Variants in GNL3L observed in about 807,000 individuals in gnomAD.
The protein encoded by GNL3L is guanine nucleotide-binding protein-like 3-like protein.
In GNL3L, 4 loss-of-function variants were observed where a neutral mutation model predicts 42.9. That is an observed-to-expected ratio of 0.09 (90% CI 0.05 to 0.21). The LOEUF (loss-of-function observed/expected upper bound fraction) is 0.21. Among genes scored for constraint, GNL3L ranks in the 10% least tolerant of loss-of-function variants. GNL3L has a pLI of 1.00. For missense variants in GNL3L, 412 were observed against 481.7 expected (o/e 0.86, Z 1.36); for synonymous variants, 159 against 176.3 (o/e 0.90, Z 0.78).
intron 5 of GNL3L, 35 bp from the exon 6 acceptor site, chrX:54,542,920 T>A (rs750605652): frequency 2.7e-5 from 25 of 909,834 alleles, no homozygotes; most frequent in Non-Finnish European, 4.0e-5. Context: ...CTCCCCCTCC[T>A]CCCCTGGACC....
rs370238541 is a variant in GNL3L, at chrX:54,583,350, G to A, written c.*45+22703G>A. 3.3e-4 allele frequency among the ~76,000 whole-genome samples: 36 copies of A among 109,821 alleles called. No individual in the cohort carries two copies. The South Asian group carries it at 0.014, about 42-fold the overall frequency. On this transcript the variant is annotated intron_variant, in intron 16 of 16. Coordinates refer to the GNL3L transcript ENST00000674498. ...TGGGATTACAGGCGTGCACCACCAC[G>A]CCCAGCTAATTTTTGGTATTTTTAG...
chrX:54,569,240 T>C (rs193131286), downstream of GNL3L, among the ~76,000 whole-genome samples: 4 of 112,022 alleles, frequency 3.6e-5, no homozygotes, highest in Admixed American at 3.8e-4. Context: ...CCTCATAGAA[T>C]GGGTTGGGAA....
the GNL3L span, among the ~76,000 whole-genome samples, chrX:54,639,659 G>A: frequency 9.0e-6 from 1 of 111,348 alleles, no homozygotes; most frequent in African/African-American, 3.3e-5. Flanking sequence ...TACAAGTAGT[G>A]TGTCGCCACT....
chrX:54,601,498 TATA>T (rs1240425982), intron 16 of GNL3L, among the ~76,000 whole-genome samples: 1 of 112,087 alleles, frequency 8.9e-6, no homozygotes, highest in East Asian at 2.8e-4. Context: ...TTGTTTTATG[TATA>T]ATATCTAGGA....
intron 16 of GNL3L, among the ~76,000 whole-genome samples, chrX:54,587,292 A>G (rs1460546519): frequency 8.9e-6 from 1 of 112,402 alleles, no homozygotes; most frequent in Non-Finnish European, 1.9e-5. Flanking sequence ...GTTTAAATCC[A>G]ATATTTCTTT....
chrX:54,617,341 AC>A (rs1181487724), intron 16 of GNL3L, among the ~76,000 whole-genome samples: 1 of 111,788 alleles, frequency 8.9e-6, no homozygotes, highest in African/African-American at 3.3e-5. Flanking sequence ...GTTCACACTT[AC>A]GTTTCCTCAC....
chrX:54,626,487 A>G (rs1926366033), downstream of GNL3L, among the ~76,000 whole-genome samples: 1 of 111,965 alleles, frequency 8.9e-6, no homozygotes, highest in Non-Finnish European at 1.9e-5. Context: ...TGCAATAAAC[A>G]TAGGGGTGCA....
rs1480446822 is a variant in GNL3L at position 54,532,498 on chromosome X, GCTT to G, written c.-47-16_-47-14del. Reference sequence around the variant, plus strand: ...TGTGATTCCCAGCTGTCTTCAAATTGCTTCTTCTCCCATTCTGACAGGAAGAGA... The same window carrying G: ...TGTGATTCCCAGCTGTCTTCAAATTGCTTCTCCCATTCTGACAGGAAGAGA... On this transcript the variant is annotated intron_variant, in intron 1 of 15. Transcript: ENST00000360845. The G allele has an allele frequency of 1.4e-5, 12 of 882,734 alleles. No individual in the cohort carries two copies. Among genetic ancestry groups the G allele is most frequent in the South Asian group, 6.1e-5 (3 of 49,099 alleles). The allele number at this position is 882,734 out of a possible 1,213,427, so 72.7% of individuals were successfully genotyped here.
At chrX:54,593,770 C>T (rs1369513722) in intron 16 of GNL3L, among the ~76,000 whole-genome samples, 1 of 111,022 alleles carries the variant, frequency 9.0e-6, no homozygotes, top group African/African-American at 3.3e-5. Flanking sequence ...GGCTTTTGCT[C>T]TATCCCAAAG....
At chrX:54,619,631 C>T (rs1044441377) in intron 16 of GNL3L, among the ~76,000 whole-genome samples, 2 of 110,652 alleles carry the variant, frequency 1.8e-5, no homozygotes. Flanking sequence ...GCTGGGATTA[C>T]GGATGTGAGC....
At chrX:54,605,795 C>T (rs752594410) in intron 16 of GNL3L, among the ~76,000 whole-genome samples, 26 of 111,398 alleles carry the variant, frequency 2.3e-4, no homozygotes, top group Admixed American at 3.9e-4. Context: ...TGCTCCTGAT[C>T]ACCTCCCCAA....
At chrX:54,591,708 TTACTA>T (rs1925874380) in intron 16 of GNL3L, among the ~76,000 whole-genome samples, 1 of 111,857 alleles carries the variant, frequency 8.9e-6, no homozygotes, top group African/African-American at 3.2e-5. Flanking sequence ...GCTGTTTTGG[TTACTA>T]AAGCTCTGTA....
At position 54,551,007 on chromosome X, in the gene GNL3L, C is replaced by T. The variant is rs780390944; in HGVS notation, c.820C>T (p.Arg274Cys). The change falls in exon 10 of 16, where the codon CGC (arginine) becomes TGC (cysteine). Residue 274 changes from arginine to cysteine, a missense_variant. Coordinates refer to ENST00000360845, the MANE Select transcript of GNL3L (RefSeq NM_001184819.2). ...GKSSLINSLK[R>C]SRACSVGAVP... ...GAGCAGCCTGATCAATAGCCTGAAG[C>T]GCAGCCGCGCATGCAGCGTGGGAGC... is the stretch of plus-strand genomic sequence containing the variant. 4.3e-6 allele frequency: 5 copies of T among 1,160,954 alleles called. No homozygotes were observed. The highest frequency in any genetic ancestry group is 3.0e-5 in the East Asian group (1 of 33,553).
chrX:54,625,399 CT>C (rs1324258186), downstream of GNL3L, among the ~76,000 whole-genome samples: 1 of 109,161 alleles, frequency 9.2e-6, no homozygotes, highest in African/African-American at 3.3e-5. Flanking sequence ...TGTCAAAGAG[CT>C]TTTCTGTATC....
At chrX:54,568,869 TTC>T (rs780261497), downstream of GNL3L, among the ~76,000 whole-genome samples, 412 of 112,335 alleles carry the variant, frequency 3.7e-3, 1 homozygote, top group Non-Finnish European at 6.0e-3. Context: ...GTAGTATTTT[TTC>T]TCTTTTCTGA....
chrX:54,542,144 C>T (rs1043833882), intron 5 of GNL3L, among the ~76,000 whole-genome samples: 2 of 111,935 alleles, frequency 1.8e-5, no homozygotes, highest in Non-Finnish European at 3.8e-5. Context: ...ACGTGCACAA[C>T]GTGCAGGTTT....
At chrX:54,616,944 G>A (rs1926227876) in intron 16 of GNL3L, among the ~76,000 whole-genome samples, 1 of 112,180 alleles carries the variant, frequency 8.9e-6, no homozygotes, top group Non-Finnish European at 1.9e-5. Context: ...GAGTTAATTA[G>A]CATAGATTTA....
At chrX:54,581,579 C>T (rs1428681571) in intron 16 of GNL3L, among the ~76,000 whole-genome samples, 1 of 112,010 alleles carries the variant, frequency 8.9e-6, no homozygotes, top group African/African-American at 3.2e-5. Flanking sequence ...TGTCATTACG[C>T]CCTCTTTAAA....
chrX:54,552,965 G>T (rs1924990878), intron 13 of GNL3L, among the ~76,000 whole-genome samples: 1 of 112,067 alleles, frequency 8.9e-6, no homozygotes, highest in Non-Finnish European at 1.9e-5. Flanking sequence ...AGTATAGACT[G>T]CCTGGATTCA....
Sources: gnomAD v4.1 joint callset for allele counts (sites outside exome capture counted in the v4.1 genomes callset) on GRCh38, gnomAD v4.1.1 for gene constraint, MANE v1.5 for transcripts, NCBI Gene and HGNC (gene_info 2026-07-23, HGNC 2026-07-21) for gene names.